The following SRGAP3 variants were observed in gnomAD, a reference collection of about 807,000 sequenced individuals.
SRGAP3 encodes the protein SLIT-ROBO Rho GTPase activating protein 3.
In SRGAP3, 39 loss-of-function variants were observed where a neutral mutation model predicts 121.1. The observed-to-expected ratio is 0.32, with a 90% confidence interval of 0.25 to 0.42. The LOEUF (loss-of-function observed/expected upper bound fraction) is 0.42, where lower values mean the gene tolerates loss of function less well. Ranked by LOEUF, SRGAP3 falls within the 10% of genes least tolerant of loss-of-function variation. SRGAP3 has a pLI of 1.00. For missense variants in SRGAP3, 1,213 were observed against 1,470.6 expected (o/e 0.82, Z 2.86); for synonymous variants, 601 against 570.0 (o/e 1.05, Z -0.77).
intron 1 of SRGAP3, chr3:9,348,747 C>G (rs1056943346): frequency 7.5e-7 from 1 of 1,332,082 alleles, no homozygotes; most frequent in African/African-American, 1.4e-5. Context: ...AAAGCAGAAA[C>G]TGCTGCAAAG....
chr3:9,196,018 G>A (rs1951905555), intron 1 of SRGAP3, among the ~76,000 whole-genome samples: 1 of 152,146 alleles, frequency 6.6e-6, no homozygotes, highest in Non-Finnish European at 1.5e-5. Context: ...TGAAAATTTA[G>A]GGAGAAAATT....
chr3:9,251,420 C>G (rs530439951), upstream of SRGAP3, among the ~76,000 whole-genome samples: 2 of 152,292 alleles, frequency 1.3e-5, 1 homozygote, highest in South Asian at 4.1e-4. Context: ...CCCACAAAAG[C>G]CCCACGTTAC....
chr3:9,254,919 AAGAG>A (rs765474709), intron 3 of SRGAP3, among the ~76,000 whole-genome samples: 4 of 149,624 alleles, frequency 2.7e-5, no homozygotes, highest in Non-Finnish European at 6.0e-5. Context: ...AGGGAGGGGA[AAGAG>A]AGAGAGAAAG....
chr3:9,015,315 G>A (rs543082218), intron 15 of SRGAP3, among the ~76,000 whole-genome samples: 22 of 152,200 alleles, frequency 1.4e-4, no homozygotes, highest in African/African-American at 5.1e-4. Flanking sequence ...ATTCCTCCTG[G>A]AACACTCTGC....
chr3:9,051,483 T>C (rs2125156946), intron 9 of SRGAP3, among the ~76,000 whole-genome samples: 1 of 152,196 alleles, frequency 6.6e-6, no homozygotes, highest in East Asian at 1.9e-4. Context: ...AAACCATGAA[T>C]TGAATTCATC....
At chr3:9,258,944 T>C (rs1374994614) in intron 3 of SRGAP3, among the ~76,000 whole-genome samples, 1 of 152,216 alleles carries the variant, frequency 6.6e-6, no homozygotes, top group Non-Finnish European at 1.5e-5. Flanking sequence ...CAGCCTGCGA[T>C]GTCCTCCTCG....
At chr3:9,331,825 C>T (rs1467422454) in intron 1 of SRGAP3, among the ~76,000 whole-genome samples, 11 of 152,238 alleles carry the variant, frequency 7.2e-5, no homozygotes, top group African/African-American at 1.4e-4. Flanking sequence ...TTATAACAAA[C>T]GAACCCAGCC....
intron 13 of SRGAP3, among the ~76,000 whole-genome samples, chr3:9,025,706 A>T (rs1239360677): frequency 6.6e-6 from 1 of 152,216 alleles, no homozygotes; most frequent in Admixed American, 6.5e-5. Flanking sequence ...TTAAAGTAAA[A>T]CTATCCCTTT....
At chr3:9,096,784 G>A (rs1356982381) in intron 3 of SRGAP3, among the ~76,000 whole-genome samples, 2 of 150,434 alleles carry the variant, frequency 1.3e-5, no homozygotes, top group Non-Finnish European at 3.0e-5. Flanking sequence ...TAACCTGTAT[G>A]CCCTGAAAAA....
In SRGAP3 at chr3:9,229,018, C is replaced by T. The variant is rs998239355; in HGVS notation, c.67+19867G>A. On this transcript the variant is annotated intron_variant, in intron 1 of 21. Transcript: ENST00000383836. Reference sequence around the variant, plus strand: ...CGGAGCTTGCAGTGAGCCGAGATTGCGCCACTGCAGTCCGCAGTCCGGCCT... The same window carrying T: ...CGGAGCTTGCAGTGAGCCGAGATTGTGCCACTGCAGTCCGCAGTCCGGCCT... Among the ~76,000 whole-genome samples the T allele has an allele frequency of 3.4e-5, 5 of 146,448 alleles. No individual in the cohort carries two copies. In the South Asian group the frequency reaches 6.7e-4, roughly 20 times the overall value.
chr3:9,133,330 A>G (rs1341790601), intron 1 of SRGAP3, among the ~76,000 whole-genome samples: 1 of 152,132 alleles, frequency 6.6e-6, no homozygotes, highest in African/African-American at 2.4e-5. Context: ...AGAAAATACA[A>G]AAACTTATCT....
At chr3:9,344,912 C>T (rs867602745) in intron 1 of SRGAP3, among the ~76,000 whole-genome samples, 1 of 151,584 alleles carries the variant, frequency 6.6e-6, no homozygotes, top group Admixed American at 6.6e-5. Flanking sequence ...TGGCGTGCGC[C>T]TGTAGTCCCA....
intron 8 of SRGAP3, among the ~76,000 whole-genome samples, chr3:9,054,104 T>C (rs900844177): frequency 6.6e-6 from 1 of 152,266 alleles, no homozygotes; most frequent in Non-Finnish European, 1.5e-5. Context: ...TCTTGGCTTC[T>C]TTTTGTGTTT....
At chr3:9,061,126 G>C (rs1946151426) in intron 5 of SRGAP3, among the ~76,000 whole-genome samples, 1 of 152,170 alleles carries the variant, frequency 6.6e-6, no homozygotes, top group Non-Finnish European at 1.5e-5. Flanking sequence ...CAGCTACTTG[G>C]AAGGCTGAGA....
intron 3 of SRGAP3, among the ~76,000 whole-genome samples, chr3:9,288,130 G>GTTTTTTTT (rs57076828): frequency 6.7e-5 from 8 of 119,098 alleles, no homozygotes; most frequent in Non-Finnish European, 1.0e-4. Flanking sequence ...TTCTATCTTT[G>GTTTTTTTT]TTTTTTTTTT....
chr3:9,069,744 T>G (rs897131097), intron 4 of SRGAP3, among the ~76,000 whole-genome samples: 1 of 152,074 alleles, frequency 6.6e-6, no homozygotes, highest in Non-Finnish European at 1.5e-5. Flanking sequence ...ATCAGGAGTT[T>G]GAGACCAGCC....
intron 1 of SRGAP3, among the ~76,000 whole-genome samples, chr3:9,174,044 C>G (rs986088065): frequency 1.3e-5 from 2 of 152,100 alleles, no homozygotes; most frequent in Non-Finnish European, 2.9e-5. Context: ...GGGCACAACT[C>G]AGCCTTCAAA....
At position 9,060,044 on chromosome 3, in the gene SRGAP3, A is replaced by G. The variant is rs573456259; in HGVS notation, c.801+187T>C. 2.6e-5 allele frequency: 24 copies of G among 908,902 alleles called. No individual in the cohort carries two copies. The East Asian group carries it at 4.2e-4, about 16-fold the overall frequency. The allele number at this position is 908,902 out of a possible 1,614,324, so 56.3% of individuals were successfully genotyped here. On this transcript the variant is annotated intron_variant, in intron 6 of 21. Coordinates refer to ENST00000383836, the MANE Select transcript of SRGAP3 (RefSeq NM_014850.4). ...GCCCATGTCCCACTCGTGAAAATAG[A>G]CACCACGAGGTAACATTCATTTTCC...
rs3067610 is a variant in SRGAP3, at chr3:9,075,374, A to AGTGTGTGT, written c.486+4643_486+4650dup. On this transcript the variant is annotated intron_variant, in intron 4 of 21. Transcript: ENST00000383836. Reference sequence around the variant, plus strand: ...GTCAAACTGCACATGCATGTATGCAAGTGTGTGTGTGTGTGTGCGCGCGCA... The same window carrying AGTGTGTGT: ...GTCAAACTGCACATGCATGTATGCAAGTGTGTGTGTGTGTGTGTGTGTGTGCGCGCGCA... Among the ~76,000 whole-genome samples the AGTGTGTGT allele has an allele frequency of 9.4e-3, 1,367 of 145,210 alleles. 22 individuals are homozygous for AGTGTGTGT. Among genetic ancestry groups the AGTGTGTGT allele is most frequent in the African/African-American group, 0.034 (1,294 of 37,528 alleles).
Sources: allele counts gnomAD v4.1 joint callset (sites outside exome capture counted in the v4.1 genomes callset), GRCh38; gene constraint gnomAD v4.1.1; transcripts MANE v1.5; gene names NCBI Gene and HGNC (gene_info 2026-07-23, HGNC 2026-07-21).